Variants in KMT2E observed in about 807,000 individuals in gnomAD.
The protein encoded by KMT2E is histone reader KMT2E.
Under a neutral mutation model 184.6 loss-of-function variants are expected in KMT2E, and 30 were observed. The ratio of observed to expected loss-of-function variants is 0.16; its 90% CI spans 0.12 to 0.22. The LOEUF is 0.22. Ranked by LOEUF, KMT2E falls within the 10% of genes least tolerant of loss-of-function variation. The pLI, the probability that KMT2E is intolerant of heterozygous loss-of-function variation, is 1.00. For missense variants in KMT2E, 2,023 were observed against 2,237.4 expected, an observed-to-expected ratio of 0.90 and a Z score of 1.93; for synonymous variants, 815 against 776.5, an observed-to-expected ratio of 1.05 and a Z score of -0.82.
rs779138283 is a variant in KMT2E, at chr7:105,077,209, G to T, written c.999+16G>T. On this transcript the variant is annotated intron_variant, in intron 10 of 26. Transcript: ENST00000311117. ...TCCTGTAGAGGTAAATACATCATTT[G>T]TCCAAAAATTGTAAAGCAGTTTTAT... 6 of 1,609,052 alleles carry T rather than the reference G, an allele frequency of 3.7e-6. No homozygotes were observed. Among genetic ancestry groups the T allele is most frequent in the Non-Finnish European group, 5.1e-6 (6 of 1,176,256 alleles).
In KMT2E at chr7:105,114,845, T is replaced by G. The variant is rs1799538699; in HGVS notation, c.*1512T>G. On this transcript the variant is annotated 3_prime_UTR_variant, in exon 27 of 27. Coordinates refer to ENST00000311117, the MANE Select transcript of KMT2E (RefSeq NM_182931.3). ...TCAATCCTAATCACAGCTTCAAATT[T>G]TAGAAGAACATATAGGCCAAGTTTG... 6.6e-6 allele frequency among the ~76,000 whole-genome samples: 1 copy of G among 152,204 alleles called. No homozygotes were observed. Among genetic ancestry groups the G allele is most frequent in the Admixed American group, 6.5e-5 (1 of 15,280 alleles).
chr7:105,037,459 C>T (rs1006560168), intron 1 of KMT2E, among the ~76,000 whole-genome samples: 2 of 151,974 alleles, frequency 1.3e-5, no homozygotes, highest in Non-Finnish European at 2.9e-5. Context: ...ACCTCTTGGG[C>T]TCAAACAATC....
chr7:105,020,025 T>C (rs912362198), intron 1 of KMT2E, among the ~76,000 whole-genome samples: 14 of 151,536 alleles, frequency 9.2e-5, no homozygotes, highest in African/African-American at 3.4e-4. Flanking sequence ...GGAGAATTGC[T>C]TGAACCCAGG....
chr7:105,068,639 GT>G (rs1162488673), intron 6 of KMT2E, among the ~76,000 whole-genome samples: 12,580 of 110,790 alleles, frequency 0.11, 437 homozygotes, highest in Admixed American at 0.15. Context: ...TTTTTTTTTT[GT>G]TTTTTTTTTT....
rs142368596 is a variant in KMT2E, at chr7:105,031,085, G to T, written c.-188-7041G>T. 1.7e-3 allele frequency among the ~76,000 whole-genome samples: 254 copies of T among 152,208 alleles called. 1 individual carries two copies. Among genetic ancestry groups the T allele is most frequent in the African/African-American group, 5.0e-3 (206 of 41,528 alleles). On this transcript the variant is annotated intron_variant, in intron 1 of 26. Transcript: ENST00000311117. ...AAGAATGACAGAATAGGCTGGGCAC[G>T]GTGGCTCATGCCTGTAATCCTAACA... is the stretch of plus-strand genomic sequence containing the variant.
chr7:105,068,218 G>C (rs1202194454), intron 6 of KMT2E, among the ~76,000 whole-genome samples: 1 of 151,854 alleles, frequency 6.6e-6, no homozygotes, highest in Non-Finnish European at 1.5e-5. Flanking sequence ...TCTGTAAGAA[G>C]GTGTTTATGT....
At chr7:105,089,683 A>G (rs567248882) in intron 13 of KMT2E, among the ~76,000 whole-genome samples, 54 of 152,278 alleles carry the variant, frequency 3.5e-4, no homozygotes, top group Non-Finnish European at 4.7e-4. Context: ...ATTCCCCAAG[A>G]TATCTCATTA....
chr7:105,082,755 A>G (rs928086091), intron 13 of KMT2E, among the ~76,000 whole-genome samples: 1 of 152,174 alleles, frequency 6.6e-6, no homozygotes, highest in Non-Finnish European at 1.5e-5. Flanking sequence ...ATGTTTCTAT[A>G]TGGTGCCAGT....
At chr7:105,030,294 A>G (rs920297256) in intron 1 of KMT2E, among the ~76,000 whole-genome samples, 7 of 152,198 alleles carry the variant, frequency 4.6e-5, no homozygotes, top group African/African-American at 1.7e-4. Flanking sequence ...TCTTAAAACT[A>G]TCTAAAAAAA....
chr7:105,069,116 G>C (rs989508412), intron 6 of KMT2E, among the ~76,000 whole-genome samples: 2 of 152,140 alleles, frequency 1.3e-5, no homozygotes, highest in African/African-American at 2.4e-5. Flanking sequence ...CCCAAATTCA[G>C]AGTTGGCTTT....
At chr7:105,070,199 T>A (rs1797225233) in intron 6 of KMT2E, among the ~76,000 whole-genome samples, 1 of 151,874 alleles carries the variant, frequency 6.6e-6, no homozygotes, top group African/African-American at 2.4e-5. Flanking sequence ...CTGGGTTAAA[T>A]GCCCAAGAGA....
intron 1 of KMT2E, among the ~76,000 whole-genome samples, chr7:105,031,359 G>A (rs1409478050): frequency 2.3e-4 from 27 of 119,836 alleles, no homozygotes; most frequent in Admixed American, 6.7e-4. Context: ...TCCGTCTGAG[G>A]ATTGGGGGGG....
intron 13 of KMT2E, among the ~76,000 whole-genome samples, chr7:105,085,687 G>GGT (rs1371256328): frequency 1.3e-4 from 14 of 104,162 alleles, no homozygotes; most frequent in African/African-American, 7.5e-4. Context: ...TCTTTAATTT[G>GGT]ATTTTTTTTT....
chr7:105,056,086 A>G (rs1405896047), intron 3 of KMT2E, among the ~76,000 whole-genome samples: 1 of 152,102 alleles, frequency 6.6e-6, no homozygotes, highest in East Asian at 1.9e-4. Flanking sequence ...TAAGCCCTCA[A>G]TATTTGTTTA....
intron 3 of KMT2E, among the ~76,000 whole-genome samples, chr7:105,059,493 A>G (rs1796703902): frequency 6.6e-6 from 1 of 152,182 alleles, no homozygotes; most frequent in Admixed American, 6.5e-5. Flanking sequence ...AGCTACAGGA[A>G]CTCATGTTAT....
chr7:105,101,915 G>A lies in KMT2E; in HGVS notation c.1917G>A (p.Lys639=), dbSNP rs1479816201. The change falls in exon 17 of 27, where the codon AAG becomes AAA. Residue 639 remains lysine, a synonymous_variant. Coordinates refer to ENST00000311117, the MANE Select transcript of KMT2E (RefSeq NM_182931.3). The stretch of plus-strand genomic sequence containing the variant: ...AAGCAAAAGAAGAAAATGCTAGCAA[G>A]CCAACCCCTGCCAAAGTAAATAGAA... ...QEQAKEENAS[K]PTPAKVNRTK... is the part of the protein sequence containing the mutation. The A allele has an allele frequency of 6.2e-7, 1 of 1,611,292 alleles. No individual in the cohort carries two copies. The highest frequency in any genetic ancestry group is 2.2e-5 in the East Asian group (1 of 44,664).
At chr7:105,015,916 A>G (rs1163226916) in intron 1 of KMT2E, among the ~76,000 whole-genome samples, 13 of 143,566 alleles carry the variant, frequency 9.1e-5, no homozygotes, top group Admixed American at 6.9e-4. Context: ...TCCACTTTTG[A>G]AAAAAAAAAA....
chr7:105,033,794 C>T (rs1321265039), intron 1 of KMT2E, among the ~76,000 whole-genome samples: 3 of 152,098 alleles, frequency 2.0e-5, no homozygotes, highest in African/African-American at 4.8e-5. Flanking sequence ...CTACTGCGCC[C>T]GGCCCAAAGG....
chr7:105,016,422 A>G, intron 1 of KMT2E, among the ~76,000 whole-genome samples: 1 of 152,206 alleles, frequency 6.6e-6, no homozygotes, highest in East Asian at 1.9e-4. Flanking sequence ...TTCCTCTTCA[A>G]ATATGCCCAT....
Sources: gnomAD v4.1 joint callset for allele counts (sites outside exome capture counted in the v4.1 genomes callset) on GRCh38, gnomAD v4.1.1 for gene constraint, MANE v1.5 for transcripts, NCBI Gene and HGNC (gene_info 2026-07-23, HGNC 2026-07-21) for gene names.